SRRM4: variants seen among roughly 807,000 people sequenced by gnomAD.
The protein encoded by SRRM4 is serine/arginine repetitive matrix 4, also known as serine/arginine repetitive matrix protein 4.
SRRM4 carries 33 observed loss-of-function variants against 68.9 expected under a neutral mutation model. That is an observed-to-expected ratio of 0.48 (90% CI 0.36 to 0.64). The LOEUF is 0.64. Among genes scored for constraint, SRRM4 ranks in the 30% least tolerant of loss-of-function variants. The probability of loss-of-function intolerance (pLI) is 0.00; values close to 1 mark genes in which losing one functional copy is unlikely to be tolerated. For synonymous variants in SRRM4, 318 were observed against 318.8 expected, an observed-to-expected ratio of 1.00 and a Z score of 0.03; for missense variants, 817 against 827.1, an observed-to-expected ratio of 0.99 and a Z score of 0.15.
intron 8 of SRRM4, among the ~76,000 whole-genome samples, chr12:119,131,094 T>C (rs1238959594): frequency 6.6e-6 from 1 of 152,204 alleles, no homozygotes; most frequent in Non-Finnish European, 1.5e-5. Context: ...AATAAATACC[T>C]GTCTCCAGAG....
At chr12:119,115,185 G>T (rs73213755) in intron 3 of SRRM4, among the ~76,000 whole-genome samples, 5,980 of 152,092 alleles carry the variant, frequency 0.039, 136 homozygotes, top group African/African-American at 0.056. Context: ...TTGGTTCTAC[G>T]ACGCCCACCT....
At chr12:119,111,433 C>T (rs1425969414) in intron 2 of SRRM4, among the ~76,000 whole-genome samples, 1 of 152,210 alleles carries the variant, frequency 6.6e-6, no homozygotes, top group African/African-American at 2.4e-5. Context: ...TACCCCATTA[C>T]TTAAATGCAA....
chr12:119,148,792 C>T (rs1026211464), intron 9 of SRRM4, among the ~76,000 whole-genome samples: 3 of 152,320 alleles, frequency 2.0e-5, no homozygotes, highest in Admixed American at 2.0e-4. Flanking sequence ...TTAGACCCAG[C>T]CTTTCACTTT....
At chr12:119,034,945 A>G (rs1418175128) in intron 1 of SRRM4, among the ~76,000 whole-genome samples, 1 of 152,172 alleles carries the variant, frequency 6.6e-6, no homozygotes, top group Non-Finnish European at 1.5e-5. Flanking sequence ...CCCTTTTACA[A>G]TTACGGTCAT....
At chr12:118,983,221 T>G (rs866016918) in intron 1 of SRRM4, among the ~76,000 whole-genome samples, 1 of 152,194 alleles carries the variant, frequency 6.6e-6, no homozygotes, top group Non-Finnish European at 1.5e-5. Context: ...ATTGGAGAAG[T>G]TTTCCTCTTC....
At chr12:119,146,478 C>G (rs922742104) in intron 9 of SRRM4, among the ~76,000 whole-genome samples, 1 of 151,708 alleles carries the variant, frequency 6.6e-6, no homozygotes, top group Non-Finnish European at 1.5e-5. Flanking sequence ...CCCAGCTACT[C>G]GGGAGGCTGA....
intron 1 of SRRM4, among the ~76,000 whole-genome samples, chr12:119,087,243 T>C (rs1953984523): frequency 6.6e-6 from 1 of 152,212 alleles, no homozygotes; most frequent in Non-Finnish European, 1.5e-5. Flanking sequence ...CTTAGAACAG[T>C]ACCCAGCACA....
At chr12:119,033,536 C>T (rs1313590200) in intron 1 of SRRM4, among the ~76,000 whole-genome samples, 7 of 152,016 alleles carry the variant, frequency 4.6e-5, no homozygotes, top group Non-Finnish European at 7.4e-5. Flanking sequence ...TGGTGGCACG[C>T]GCCTATGGTC....
chr12:118,996,242 T>C (rs1244796261), intron 1 of SRRM4, among the ~76,000 whole-genome samples: 1 of 152,178 alleles, frequency 6.6e-6, no homozygotes, highest in Non-Finnish European at 1.5e-5. Flanking sequence ...CTGTAAAACA[T>C]TGTGGGTCCA....
rs1954457503 is a variant in SRRM4 at position 119,154,188 on chromosome 12, A to T, written c.1392-55A>T. On this transcript the variant is annotated intron_variant, in intron 11 of 12. Coordinates refer to ENST00000267260, the MANE Select transcript of SRRM4 (RefSeq NM_194286.4). This position sits in a 1 kb window ranked among gnomAD's most constrained non-coding sequence, Gnocchi z 4.7. Reference sequence around the variant, plus strand: ...GGGAGTGTCCCTCTCCCACGCGCTCACGCAGAAAATCCAGCCCAGCCCCAG... The same window carrying T: ...GGGAGTGTCCCTCTCCCACGCGCTCTCGCAGAAAATCCAGCCCAGCCCCAG... The T allele has an allele frequency of 1.3e-6, 2 of 1,517,058 alleles. No homozygotes were observed. Among genetic ancestry groups the T allele is most frequent in the African/African-American group, 1.4e-5 (1 of 72,404 alleles). 94.0% of individuals were successfully genotyped at this position (1,517,058 alleles called of 1,614,324 possible).
chr12:119,077,578 A>G (rs978747294), intron 1 of SRRM4, among the ~76,000 whole-genome samples: 1 of 152,164 alleles, frequency 6.6e-6, no homozygotes, highest in Admixed American at 6.5e-5. Context: ...AATGTCAACT[A>G]TTATCATTAT....
intron 1 of SRRM4, among the ~76,000 whole-genome samples, chr12:119,054,386 G>T (rs948310753): frequency 1.3e-5 from 2 of 152,164 alleles, no homozygotes; most frequent in African/African-American, 4.8e-5. Flanking sequence ...GTGAGGTGGG[G>T]AATATTATTA....
intron 1 of SRRM4, among the ~76,000 whole-genome samples, chr12:119,075,762 TGATGATGGTGGTGATGATGATAGC>T: frequency 7.5e-6 from 1 of 132,798 alleles, no homozygotes; most frequent in African/African-American, 2.8e-5. Flanking sequence ...ATGATGATGG[TGATGATGGTGGTGATGATGATAGC>T]GATGATGGTG....
At chr12:118,999,362 C>G (rs1187037421) in intron 1 of SRRM4, among the ~76,000 whole-genome samples, 2 of 152,098 alleles carry the variant, frequency 1.3e-5, no homozygotes, top group Admixed American at 1.3e-4. Context: ...GCCAGGGGCA[C>G]CTGAATGTCA....
chr12:119,061,304 A>C (rs935643615), intron 1 of SRRM4, among the ~76,000 whole-genome samples: 1 of 152,164 alleles, frequency 6.6e-6, no homozygotes, highest in African/African-American at 2.4e-5. Context: ...AAAAGAAAAA[A>C]AGGTGTAGCC....
At chr12:118,985,204 G>T (rs75034707) in intron 1 of SRRM4, among the ~76,000 whole-genome samples, 3 of 152,202 alleles carry the variant, frequency 2.0e-5, no homozygotes, top group Non-Finnish European at 4.4e-5. Flanking sequence ...CACACATGAG[G>T]CAGGGTAGAG....
chr12:119,066,034 C>A (rs1953843836), intron 1 of SRRM4, among the ~76,000 whole-genome samples: 1 of 152,124 alleles, frequency 6.6e-6, no homozygotes, highest in Non-Finnish European at 1.5e-5. Context: ...CAAAGAGTAA[C>A]CCCTCAATAT....
In SRRM4 at chr12:118,993,419, T is replaced by A. The variant is rs138223775; in HGVS notation, c.131+11406T>A. 3.7e-3 allele frequency among the ~76,000 whole-genome samples: 559 copies of A among 152,338 alleles called. 11 individuals are homozygous for A. Among genetic ancestry groups the A allele is most frequent in the African/African-American group, 0.013 (522 of 41,572 alleles). On this transcript the variant is annotated intron_variant, in intron 1 of 12. Transcript: ENST00000267260. ...TTCCTGCATGGAGAGTCTCTTAGAA[T>A]GACATTCCTCTTAATGGCCTTGGGG...
intron 1 of SRRM4, among the ~76,000 whole-genome samples, chr12:119,018,355 G>A (rs1163169598): frequency 1.3e-5 from 2 of 152,170 alleles, no homozygotes; most frequent in Non-Finnish European, 1.5e-5. Context: ...AATTTGAGGG[G>A]AATTAGTATG....
Sources: gnomAD v4.1 joint callset for allele counts (sites outside exome capture counted in the v4.1 genomes callset) on GRCh38, gnomAD v4.1.1 for gene constraint, Gnocchi (gnomAD v3.1) non-coding constraint, MANE v1.5 for transcripts, NCBI Gene and HGNC (gene_info 2026-07-23, HGNC 2026-07-21) for gene names.